Variants in SCAMP1 observed in about 807,000 individuals in gnomAD.
SCAMP1 encodes secretory carrier membrane protein 1.
In SCAMP1, 15 loss-of-function variants were observed where a neutral mutation model predicts 41.8. That is an observed-to-expected ratio of 0.36 (90% confidence interval 0.24 to 0.55). The LOEUF (loss-of-function observed/expected upper bound fraction) is 0.55. Among genes scored for constraint, SCAMP1 ranks in the 20% least tolerant of loss-of-function variants. SCAMP1 has a pLI of 0.86. For missense variants in SCAMP1, 341 were observed against 412.6 expected (o/e 0.83, Z 1.50); for synonymous variants, 135 against 136.8 (o/e 0.99, Z 0.09).
chr5:78,436,814 C>A (rs1421920245), intron 6 of SCAMP1, among the ~76,000 whole-genome samples: 2 of 152,110 alleles, frequency 1.3e-5, no homozygotes, highest in African/African-American at 4.8e-5. Flanking sequence ...TTACCTTGGG[C>A]AGTATGGCCA....
rs1432833726 is a variant in SCAMP1, at chr5:78,458,533, T to C, written c.735-712T>C. On this transcript the variant is annotated intron_variant, in intron 7 of 8. Transcript: ENST00000621999. ...CTAGATGTGAATCCTTTGTTGGATA[T>C]ATGGTTTATAAATATCTTCTTTCAT... Among the ~76,000 whole-genome samples, 3 of 152,194 alleles carry C rather than the reference T, an allele frequency of 2.0e-5. No homozygotes were observed. In the East Asian group the frequency reaches 5.8e-4, roughly 29 times the overall value.
chr5:78,426,594 G>A (rs1752476401), intron 6 of SCAMP1, among the ~76,000 whole-genome samples: 1 of 152,122 alleles, frequency 6.6e-6, no homozygotes, highest in Non-Finnish European at 1.5e-5. Context: ...AAAAGTGTCT[G>A]TTCATATCTT....
At chr5:78,360,827 C>T in intron 1 of SCAMP1, 99 bp downstream of exon 1, 1 of 1,229,268 alleles carries the variant, frequency 8.1e-7, no homozygotes, top group African/African-American at 1.5e-5. Flanking sequence ...CCTCGGCTCC[C>T]CTTAGCAGCC....
chr5:78,382,776 GGTGTGTGTGTGTGTGT>G (rs61523492), intron 1 of SCAMP1, among the ~76,000 whole-genome samples: 1 of 130,262 alleles, frequency 7.7e-6, no homozygotes, highest in African/African-American at 3.0e-5. Context: ...AGTATTCCAT[GGTGTGTGTGTGTGTGT>G]GTGTGTGTGT....
chr5:78,371,877 G>A (rs1008755159), intron 1 of SCAMP1, among the ~76,000 whole-genome samples: 39 of 152,176 alleles, frequency 2.6e-4, no homozygotes, highest in Admixed American at 2.2e-3. Context: ...AAGGATATGC[G>A]TATAGTGTAA....
intron 6 of SCAMP1, among the ~76,000 whole-genome samples, chr5:78,434,620 G>GT (rs1319637210): frequency 6.6e-6 from 1 of 151,154 alleles, no homozygotes; most frequent in African/African-American, 2.4e-5. Context: ...AATCTATAAG[G>GT]TTTTTAAAAA....
At chr5:78,402,022 A>AT (rs74870189) in intron 2 of SCAMP1, among the ~76,000 whole-genome samples, 2 of 151,048 alleles carry the variant, frequency 1.3e-5, no homozygotes, top group African/African-American at 4.9e-5. Context: ...TAAGATGTAC[A>AT]TTTTTTTTTC....
intron 2 of SCAMP1, among the ~76,000 whole-genome samples, chr5:78,394,785 A>G (rs913023045): frequency 6.6e-6 from 1 of 152,100 alleles, no homozygotes; most frequent in African/African-American, 2.4e-5. Context: ...TCATTTAATG[A>G]TACTGTTGAC....
At chr5:78,365,423 G>A (rs1427080925) in intron 1 of SCAMP1, among the ~76,000 whole-genome samples, 2 of 135,250 alleles carry the variant, frequency 1.5e-5, no homozygotes, top group Non-Finnish European at 3.0e-5. Context: ...GCAGTGAGCT[G>A]AGATGGCACC....
At position 78,415,605 on chromosome 5, in the gene SCAMP1, C is replaced by T; in HGVS notation, c.221C>T (p.Thr74Ile). The T allele has an allele frequency of 6.3e-7, 1 of 1,593,814 alleles. No individual in the cohort carries two copies. Among genetic ancestry groups the T allele is most frequent in the Non-Finnish European group, 8.6e-7 (1 of 1,167,162 alleles). Reference sequence around the variant, plus strand: ...CCAACAGAGGAACATCCAGCTTATACACAGATTGCAAAGGTTAGTTCATGT... The same window carrying T: ...CCAACAGAGGAACATCCAGCTTATATACAGATTGCAAAGGTTAGTTCATGT... ...MKPTEEHPAY[T>I]QIAKEHALAQ... Residue 74 changes from threonine to isoleucine, a missense_variant, in exon 3 of 9, where the codon ACA becomes ATA. Thr to Ile is a moderately conservative substitution (Grantham distance 89). Transcript: ENST00000621999.
Position 78,459,325 on chromosome 5 carries a change from C to T in SCAMP1, c.815C>T (p.Thr272Ile). Residue 272 changes from threonine to isoleucine, a missense_variant, in exon 8 of 9, where the codon ACA becomes ATA. Coordinates refer to ENST00000621999, the MANE Select transcript of SCAMP1 (RefSeq NM_004866.6). Reference sequence around the variant, plus strand: ...ATGATAATCATAGCAGCACTTTTCACAGCATCAGCAGTCATCTCACTAGTT... The same window carrying T: ...ATGATAATCATAGCAGCACTTTTCATAGCATCAGCAGTCATCTCACTAGTT... ...IMMIIIAALF[T>I]ASAVISLVMF... 6.3e-7 allele frequency: 1 copy of T among 1,599,892 alleles called. No individual in the cohort carries two copies. Among genetic ancestry groups the T allele is most frequent in the Non-Finnish European group, 8.6e-7 (1 of 1,168,108 alleles).
chr5:78,363,272 G>C (rs917864855), intron 1 of SCAMP1, among the ~76,000 whole-genome samples: 8 of 151,446 alleles, frequency 5.3e-5, no homozygotes, highest in African/African-American at 1.9e-4. Context: ...GAGTGCAGTG[G>C]CGCGATCTCT....
At chr5:78,451,467 C>T (rs1753223708) in intron 7 of SCAMP1, among the ~76,000 whole-genome samples, 1 of 152,164 alleles carries the variant, frequency 6.6e-6, no homozygotes, top group Non-Finnish European at 1.5e-5. Context: ...ACTCTCAAAA[C>T]TCCCCTTTTC....
At chr5:78,442,121 C>A (rs1243329508) in intron 6 of SCAMP1, among the ~76,000 whole-genome samples, 1 of 151,794 alleles carries the variant, frequency 6.6e-6, no homozygotes, top group Non-Finnish European at 1.5e-5. Flanking sequence ...ATAGTAAGAC[C>A]TTGTCTCAAA....
Position 78,480,059 on chromosome 5 carries a change from AAG to A in SCAMP1, c.*4393_*4394del, listed in dbSNP as rs1561295464. On this transcript the variant is annotated 3_prime_UTR_variant, in exon 9 of 9. Coordinates refer to ENST00000621999, the MANE Select transcript of SCAMP1 (RefSeq NM_004866.6). Reference sequence around the variant, plus strand: ...AGACTCCATCTCAAGAAAAAAAAAAAAGAATTTTCATTAGTGCTGGCCGTGTT... The same window carrying A: ...AGACTCCATCTCAAGAAAAAAAAAAAAATTTTCATTAGTGCTGGCCGTGTT... Among the ~76,000 whole-genome samples, 1 of 151,710 alleles carries A rather than the reference AAG, an allele frequency of 6.6e-6. No homozygotes were observed. The highest frequency in any genetic ancestry group is 1.5e-5 in the Non-Finnish European group (1 of 67,960).
At chr5:78,460,882 G>C (rs1213098779) in intron 8 of SCAMP1, among the ~76,000 whole-genome samples, 2 of 149,042 alleles carry the variant, frequency 1.3e-5, no homozygotes, top group Non-Finnish European at 3.0e-5. Flanking sequence ...GTGAAAGAGA[G>C]TCTCACTCTG....
intron 7 of SCAMP1, among the ~76,000 whole-genome samples, chr5:78,450,399 T>A (rs1242656524): frequency 6.6e-6 from 1 of 152,226 alleles, no homozygotes; most frequent in African/African-American, 2.4e-5. Flanking sequence ...ATACCTATTA[T>A]GTATAAAGCC....
chr5:78,431,054 C>T (rs922151111), intron 6 of SCAMP1, among the ~76,000 whole-genome samples: 2 of 151,882 alleles, frequency 1.3e-5, no homozygotes, highest in African/African-American at 2.4e-5. Flanking sequence ...CCTTTTCTAA[C>T]CATATACATA....
At chr5:78,446,498 A>G (rs934053916) in intron 6 of SCAMP1, among the ~76,000 whole-genome samples, 1 of 143,350 alleles carries the variant, frequency 7.0e-6, no homozygotes, top group Admixed American at 6.8e-5. Context: ...TAAAAACTCT[A>G]AGTGAAAAAA....
Sources: gnomAD v4.1 joint callset for allele counts (sites outside exome capture counted in the v4.1 genomes callset) on GRCh38, gnomAD v4.1.1 for gene constraint, MANE v1.5 for transcripts, NCBI Gene and HGNC (gene_info 2026-07-23, HGNC 2026-07-21) for gene names.